NWD2: variants seen among roughly 807,000 people sequenced by gnomAD.
NWD2 encodes NACHT and WD repeat domain containing 2, also known as NACHT and WD repeat domain-containing protein 2.
In NWD2, 37 loss-of-function variants were observed where a neutral mutation model predicts 132.7. The ratio of observed to expected loss-of-function variants is 0.28; its 90% confidence interval spans 0.21 to 0.37. NWD2 has a LOEUF of 0.37. Among genes scored for constraint, NWD2 ranks in the 10% least tolerant of loss-of-function variants. The probability of loss-of-function intolerance (pLI) is 1.00; values close to 1 mark genes in which losing one functional copy is unlikely to be tolerated. For missense variants in NWD2, 1,592 were observed against 2,122.4 expected, an observed-to-expected ratio of 0.75 and a Z score of 4.91; for synonymous variants, 705 against 803.0, an observed-to-expected ratio of 0.88 and a Z score of 2.06.
chr4:37,440,990 G>T (rs923532933), intron 6 of NWD2, among the ~76,000 whole-genome samples: 2 of 152,116 alleles, frequency 1.3e-5, no homozygotes, highest in Admixed American at 6.5e-5. Flanking sequence ...TCTCAAATTG[G>T]TCCTCTTGAA....
intron 3 of NWD2, among the ~76,000 whole-genome samples, chr4:37,365,597 A>G (rs4240238): frequency 0.93 from 142,258 of 152,224 alleles, 67,231 homozygotes; most frequent in East Asian, 1. Context: ...TCAACTAGTT[A>G]TCATAGCTCT....
intron 3 of NWD2, among the ~76,000 whole-genome samples, chr4:37,376,190 T>G (rs1720346839): frequency 6.6e-6 from 1 of 152,220 alleles, no homozygotes; most frequent in Non-Finnish European, 1.5e-5. Context: ...TGAACCATCT[T>G]GATTCTCTAC....
At chr4:37,426,280 G>C (rs960132223) in intron 3 of NWD2, among the ~76,000 whole-genome samples, 2 of 152,136 alleles carry the variant, frequency 1.3e-5, no homozygotes, top group Non-Finnish European at 2.9e-5. Flanking sequence ...CATGATTTAT[G>C]AGCATTCCAC....
chr4:37,341,059 T>C (rs994462474), intron 2 of NWD2, among the ~76,000 whole-genome samples: 1 of 152,222 alleles, frequency 6.6e-6, no homozygotes, highest in African/African-American at 2.4e-5. Context: ...TGGTTTGACT[T>C]ACGATTTCTT....
chr4:37,393,484 T>G (rs534610181), intron 3 of NWD2, among the ~76,000 whole-genome samples: 1 of 152,272 alleles, frequency 6.6e-6, no homozygotes, highest in South Asian at 2.1e-4. Context: ...CCATAATTAC[T>G]CAATATAAGT....
chr4:37,312,487 G>C (rs142159698), intron 1 of NWD2, among the ~76,000 whole-genome samples: 23,645 of 151,022 alleles, frequency 0.16, 2,465 homozygotes, highest in South Asian at 0.33. Context: ...TTTGTATCCT[G>C]AGACTTTGCT....
At chr4:37,397,047 G>A (rs964869267) in intron 3 of NWD2, among the ~76,000 whole-genome samples, 12 of 150,654 alleles carry the variant, frequency 8.0e-5, no homozygotes, top group Non-Finnish European at 1.6e-4. Flanking sequence ...AAAAAAAAGC[G>A]AAGCAACTCC....
intron 2 of NWD2, among the ~76,000 whole-genome samples, chr4:37,346,781 G>A (rs1257944875): frequency 6.6e-6 from 1 of 152,056 alleles, no homozygotes; most frequent in African/African-American, 2.4e-5. Context: ...GAATGAAAGT[G>A]TTTCTTTCTG....
At chr4:37,394,514 TA>T (rs1720740265) in intron 3 of NWD2, among the ~76,000 whole-genome samples, 1 of 152,200 alleles carries the variant, frequency 6.6e-6, no homozygotes, top group South Asian at 2.1e-4. Context: ...AAAATCATGA[TA>T]ATAAAGTGAG....
At chr4:37,376,416 T>C (rs1720351353) in intron 3 of NWD2, among the ~76,000 whole-genome samples, 1 of 152,240 alleles carries the variant, frequency 6.6e-6, no homozygotes. Context: ...GCCATTGGAA[T>C]TTTTTATTAA....
intron 1 of NWD2, among the ~76,000 whole-genome samples, chr4:37,317,334 G>T (rs1364039352): frequency 1.3e-5 from 2 of 152,144 alleles, no homozygotes; most frequent in African/African-American, 4.8e-5. Flanking sequence ...GCTTATTCAG[G>T]CCCTCAATGA....
intron 1 of NWD2, among the ~76,000 whole-genome samples, chr4:37,321,260 A>T (rs750294263): frequency 6.6e-6 from 1 of 152,224 alleles, no homozygotes; most frequent in Non-Finnish European, 1.5e-5. Flanking sequence ...GCACTCTTTT[A>T]TCTTCAATAA....
chr4:37,388,627 TTATA>T, intron 3 of NWD2, among the ~76,000 whole-genome samples: 2 of 120,844 alleles, frequency 1.7e-5, no homozygotes, highest in Non-Finnish European at 3.4e-5. Flanking sequence ...TATATTTATG[TTATA>T]TATCATATAT....
At chr4:37,400,559 A>C (rs1577691272) in intron 3 of NWD2, among the ~76,000 whole-genome samples, 1 of 152,324 alleles carries the variant, frequency 6.6e-6, no homozygotes, top group Non-Finnish European at 1.5e-5. Context: ...AAGAATTCTC[A>C]AACATTTCAT....
Position 37,444,826 on chromosome 4 carries a change from A to G in NWD2, c.2838A>G (p.Val946=), listed in dbSNP as rs1370640273. 1 of 1,552,138 alleles carries G rather than the reference A, an allele frequency of 6.4e-7. No individual in the cohort carries two copies. The highest frequency in any genetic ancestry group is 1.2e-5 in the South Asian group (1 of 84,068). Reference sequence around the variant, plus strand: ...ATGGGCCCAAATATTGCTCCATTGTACCACTGCATTCATCCATGGATGTGA... The same window carrying G: ...ATGGGCCCAAATATTGCTCCATTGTGCCACTGCATTCATCCATGGATGTGA... The part of the protein sequence containing the change: ...DKDGPKYCSI[V]PLHSSMDVTY... The change falls in exon 7 of 7, where the codon GTA becomes GTG. Residue 946 remains valine, a synonymous_variant. Coordinates refer to ENST00000309447, the MANE Select transcript of NWD2 (RefSeq NM_001144990.2). The surrounding 1 kb of genome is among the most constrained non-coding windows in gnomAD (Gnocchi z 4.8).
At chr4:37,423,577 C>G (rs746227049) in intron 3 of NWD2, among the ~76,000 whole-genome samples, 3 of 152,146 alleles carry the variant, frequency 2.0e-5, no homozygotes, top group African/African-American at 7.2e-5. Flanking sequence ...GCTCAACAGT[C>G]AGGCAGAGAG....
At chr4:37,277,827 G>A (rs939472897) in intron 1 of NWD2, among the ~76,000 whole-genome samples, 1 of 151,916 alleles carries the variant, frequency 6.6e-6, no homozygotes, top group Non-Finnish European at 1.5e-5. Context: ...TATTGTAATA[G>A]TTCTGTATTT....
intron 3 of NWD2, among the ~76,000 whole-genome samples, chr4:37,371,385 A>G (rs563610512): frequency 1.7e-4 from 26 of 152,182 alleles, no homozygotes; most frequent in Non-Finnish European, 2.5e-4. Flanking sequence ...CAGAAGTTCA[A>G]TATGTTAAGC....
chr4:37,301,552 A>G (rs1006450668), intron 1 of NWD2, among the ~76,000 whole-genome samples: 7 of 151,904 alleles, frequency 4.6e-5, no homozygotes, highest in Non-Finnish European at 1.0e-4. Flanking sequence ...TAATTTATTC[A>G]AATCTGTCTT....
Sources: allele counts gnomAD v4.1 joint callset (sites outside exome capture counted in the v4.1 genomes callset), GRCh38; gene constraint gnomAD v4.1.1; non-coding constraint Gnocchi (gnomAD v3.1); transcripts MANE v1.5; gene names NCBI Gene and HGNC (gene_info 2026-07-23, HGNC 2026-07-21).